Variants in NCALD observed in about 807,000 individuals in gnomAD.
NCALD encodes neurocalcin-delta.
In NCALD, 10 loss-of-function variants were observed where a neutral mutation model predicts 18.6. The observed-to-expected ratio is 0.54, with a 90% CI of 0.33 to 0.91. NCALD has a LOEUF of 0.91. Ranked by LOEUF, NCALD falls within the 40% of genes least tolerant of loss-of-function variation. The pLI, the probability that NCALD is intolerant of heterozygous loss-of-function variation, is 0.03. For synonymous variants in NCALD, 88 were observed against 87.4 expected, an observed-to-expected ratio of 1.01 and a Z score of -0.04; for missense variants, 184 against 247.6, an observed-to-expected ratio of 0.74 and a Z score of 1.72.
At chr8:101,732,395 T>C (rs1044934534) in intron 1 of NCALD, among the ~76,000 whole-genome samples, 12 of 152,084 alleles carry the variant, frequency 7.9e-5, no homozygotes, top group African/African-American at 2.9e-4. Flanking sequence ...ATTCATTCGG[T>C]AAATTGACTC....
chr8:101,722,718 A>G (rs980783800), intron 1 of NCALD, among the ~76,000 whole-genome samples: 1 of 152,226 alleles, frequency 6.6e-6, no homozygotes, highest in African/African-American at 2.4e-5. Flanking sequence ...TTGCCTCAAC[A>G]TTTTAGCTAA....
At chr8:101,707,064 G>A (rs1815562179) in intron 2 of NCALD, among the ~76,000 whole-genome samples, 1 of 152,166 alleles carries the variant, frequency 6.6e-6, no homozygotes, top group South Asian at 2.1e-4. Context: ...ATTACTCAGG[G>A]TTTGGAGCTG....
At chr8:101,999,484 A>G (rs755483483) in intron 2 of NCALD, among the ~76,000 whole-genome samples, 34 of 152,330 alleles carry the variant, frequency 2.2e-4, no homozygotes, top group East Asian at 1.3e-3. Context: ...ATGCAAAGGC[A>G]TAAGAATGAT....
intron 1 of NCALD, among the ~76,000 whole-genome samples, chr8:102,030,651 G>A (rs536770852): frequency 1.4e-4 from 21 of 152,238 alleles, no homozygotes; most frequent in African/African-American, 4.3e-4. Context: ...GGAGTTGGGC[G>A]GATCACTTGA....
intron 2 of NCALD, among the ~76,000 whole-genome samples, chr8:101,938,960 CA>C (rs1168915824): frequency 3.9e-5 from 6 of 152,216 alleles, no homozygotes; most frequent in African/African-American, 1.2e-4. Context: ...CAATAAATGT[CA>C]TTATTAAATA....
At chr8:101,989,751 A>G (rs1337619122) in intron 2 of NCALD, among the ~76,000 whole-genome samples, 1 of 152,234 alleles carries the variant, frequency 6.6e-6, no homozygotes, top group Non-Finnish European at 1.5e-5. Context: ...CTTATGGACT[A>G]ACCCTCATCT....
At chr8:101,726,095 C>T (rs943922069) in intron 1 of NCALD, among the ~76,000 whole-genome samples, 1 of 152,016 alleles carries the variant, frequency 6.6e-6, no homozygotes, top group Non-Finnish European at 1.5e-5. Context: ...GCAAGCCTAG[C>T]AAGATCCAGG....
In NCALD at chr8:102,064,220, C is replaced by T. The variant is rs184907999; in HGVS notation, c.-209-43931G>A. 8.5e-4 allele frequency among the ~76,000 whole-genome samples: 129 copies of T among 152,326 alleles called. 1 individual carries two copies. The highest frequency in any genetic ancestry group is 3.0e-3 in the African/African-American group (124 of 41,574). On this transcript the variant is annotated intron_variant, in intron 1 of 6. Coordinates refer to the NCALD transcript ENST00000311028. ...TGCTGTATATTCAGCTGTCACCACC[C>T]TGGAGTTAACCCTTCCTCATCTATC...
chr8:101,782,659 T>C (rs1224383432), intron 1 of NCALD, among the ~76,000 whole-genome samples: 1 of 152,220 alleles, frequency 6.6e-6, no homozygotes, highest in Middle Eastern at 3.2e-3. Flanking sequence ...GTTCTCATCA[T>C]GCTTCTCAAT....
At chr8:101,694,928 G>A (rs1324066954) in intron 2 of NCALD, among the ~76,000 whole-genome samples, 3 of 152,124 alleles carry the variant, frequency 2.0e-5, no homozygotes, top group Non-Finnish European at 4.4e-5. Flanking sequence ...TAGACAGCAG[G>A]TGTCTTTTCA....
intron 1 of NCALD, among the ~76,000 whole-genome samples, chr8:102,039,141 C>T (rs1822966926): frequency 6.6e-6 from 1 of 152,206 alleles, no homozygotes; most frequent in Non-Finnish European, 1.5e-5. Flanking sequence ...ACAGGCCCTG[C>T]TACCTCCTTG....
At chr8:101,714,208 G>C (rs546154912) in intron 2 of NCALD, among the ~76,000 whole-genome samples, 16 of 152,308 alleles carry the variant, frequency 1.1e-4, no homozygotes, top group Middle Eastern at 3.4e-3. Flanking sequence ...AATTTTCTCT[G>C]TTTGCAGATG....
chr8:101,814,970 G>T (rs1046551174), intron 4 of NCALD, among the ~76,000 whole-genome samples: 3 of 151,952 alleles, frequency 2.0e-5, no homozygotes, highest in African/African-American at 7.2e-5. Context: ...CAAAATCAAA[G>T]AACTAAATAA....
intron 4 of NCALD, among the ~76,000 whole-genome samples, chr8:101,861,701 A>C (rs941891755): frequency 2.0e-5 from 3 of 152,278 alleles, no homozygotes; most frequent in Middle Eastern, 3.4e-3. Flanking sequence ...TATAAAAGAT[A>C]ACCTTAGGTT....
rs192752338 is a variant in NCALD, at chr8:102,036,783, A to C, written c.-209-16494T>G. Among the ~76,000 whole-genome samples, 63 of 151,070 alleles carry C rather than the reference A, an allele frequency of 4.2e-4. 1 individual carries two copies. In the Middle Eastern group the frequency reaches 0.01, roughly 24 times the overall value. On this transcript the variant is annotated intron_variant, in intron 1 of 6. Transcript: ENST00000311028. ...TCTCAAAAAACAACAACAACAACAA[A>C]AAAATATAAAATATAAGATACTACC...
intron 1 of NCALD, among the ~76,000 whole-genome samples, chr8:101,765,152 A>G (rs1473839595): frequency 6.6e-6 from 1 of 152,244 alleles, no homozygotes; most frequent in Non-Finnish European, 1.5e-5. Flanking sequence ...ATAGACTTCT[A>G]TACACGGCAC....
intron 2 of NCALD, among the ~76,000 whole-genome samples, chr8:101,921,463 T>G (rs1277717026): frequency 6.6e-6 from 1 of 152,136 alleles, no homozygotes; most frequent in Non-Finnish European, 1.5e-5. Flanking sequence ...TAACTACCAA[T>G]TTCTGTATAT....
At chr8:102,072,466 C>T (rs771332153) in intron 1 of NCALD, among the ~76,000 whole-genome samples, 1 of 152,110 alleles carries the variant, frequency 6.6e-6, no homozygotes, top group African/African-American at 2.4e-5. Context: ...CATTTTTCAA[C>T]CTTCCAAAAA....
chr8:101,836,745 A>T (rs1171371350), intron 4 of NCALD, among the ~76,000 whole-genome samples: 1 of 152,240 alleles, frequency 6.6e-6, no homozygotes, highest in African/African-American at 2.4e-5. Flanking sequence ...TCAGTAAGAC[A>T]ATTTTTTACC....
Sources: gnomAD v4.1 joint callset for allele counts (sites outside exome capture counted in the v4.1 genomes callset) on GRCh38, gnomAD v4.1.1 for gene constraint, MANE v1.5 for transcripts, NCBI Gene and HGNC (gene_info 2026-07-23, HGNC 2026-07-21) for gene names.